Variants in MEI4 observed in about 807,000 individuals in gnomAD.
MEI4 encodes the protein meiosis-specific protein MEI4.
Under a neutral mutation model 31.4 loss-of-function variants are expected in MEI4, and 27 were observed. The observed-to-expected ratio is 0.86, with a 90% CI of 0.63 to 1.19. The LOEUF (loss-of-function observed/expected upper bound fraction) is 1.19, where lower values mean the gene tolerates loss of function less well. Ranked by LOEUF, MEI4 falls within the 50% of genes most tolerant of loss-of-function variation. The pLI is 0.00. For missense variants in MEI4, 329 were observed against 398.9 expected, an observed-to-expected ratio of 0.82 and a Z score of 1.49; for synonymous variants, 122 against 145.4, an observed-to-expected ratio of 0.84 and a Z score of 1.16.
At chr6:77,660,766 T>G (rs1363850117) in intron 1 of MEI4, among the ~76,000 whole-genome samples, 1 of 152,174 alleles carries the variant, frequency 6.6e-6, no homozygotes, top group African/African-American at 2.4e-5. Context: ...GGCTGTCCGA[T>G]GGACACAGCT....
At chr6:77,753,314 C>T (rs1767828739) in intron 2 of MEI4, among the ~76,000 whole-genome samples, 1 of 151,914 alleles carries the variant, frequency 6.6e-6, no homozygotes, top group South Asian at 2.1e-4. Context: ...AGTGAACAGC[C>T]AACCTACAGA....
chr6:77,859,342 C>G (rs958643792), intron 4 of MEI4, among the ~76,000 whole-genome samples: 1 of 152,014 alleles, frequency 6.6e-6, no homozygotes, highest in African/African-American at 2.4e-5. Context: ...GTGCATGTGT[C>G]TTTAGAGTAG....
At chr6:77,666,379 C>G (rs1768632745) in intron 1 of MEI4, among the ~76,000 whole-genome samples, 1 of 152,152 alleles carries the variant, frequency 6.6e-6, no homozygotes, top group South Asian at 2.1e-4. Context: ...TTTAGGCCAT[C>G]TGGATGTATA....
chr6:77,709,362 G>C (rs906401411), intron 2 of MEI4, among the ~76,000 whole-genome samples: 12 of 152,120 alleles, frequency 7.9e-5, no homozygotes, highest in African/African-American at 2.9e-4. Context: ...ATGAGATCTT[G>C]TACCCAGTGT....
chr6:77,651,158 T>C (rs1378362262), upstream of MEI4, among the ~76,000 whole-genome samples: 2 of 152,082 alleles, frequency 1.3e-5, no homozygotes, highest in Admixed American at 6.5e-5. Flanking sequence ...AGAAGCTTCA[T>C]GGAGGAGGTG....
chr6:77,873,864 C>A (rs1205555320), intron 4 of MEI4, among the ~76,000 whole-genome samples: 1 of 152,186 alleles, frequency 6.6e-6, no homozygotes, highest in South Asian at 2.1e-4. Flanking sequence ...AATAGGGAAT[C>A]CCTTCCCCAT....
At chr6:77,651,695 A>G (rs1346456380), upstream of MEI4, among the ~76,000 whole-genome samples, 1 of 152,214 alleles carries the variant, frequency 6.6e-6, no homozygotes, top group African/African-American at 2.4e-5. Context: ...AGTCCTTCAG[A>G]AGAGTTTCAG....
At chr6:77,886,479 G>T in intron 4 of MEI4, among the ~76,000 whole-genome samples, 1 of 151,434 alleles carries the variant, frequency 6.6e-6, no homozygotes, top group Non-Finnish European at 1.5e-5. Context: ...TGCCCAAGCT[G>T]GAGTGCAGTG....
At chr6:77,679,090 G>T (rs1023162926) in intron 1 of MEI4, among the ~76,000 whole-genome samples, 2 of 152,112 alleles carry the variant, frequency 1.3e-5, no homozygotes, top group Admixed American at 6.5e-5. Flanking sequence ...AAAAAAATCT[G>T]AAATGTTTAT....
chr6:77,858,369 A>G (rs1452112629), intron 4 of MEI4, among the ~76,000 whole-genome samples: 1 of 152,166 alleles, frequency 6.6e-6, no homozygotes, highest in Non-Finnish European at 1.5e-5. Flanking sequence ...TTTTAAATAA[A>G]TAATAATATT....
At chr6:77,769,242 G>A (rs1768248638) in intron 3 of MEI4, among the ~76,000 whole-genome samples, 1 of 152,158 alleles carries the variant, frequency 6.6e-6, no homozygotes, top group Non-Finnish European at 1.5e-5. Flanking sequence ...GCAGCTTAGT[G>A]CTGTCCTGTC....
intron 1 of MEI4, among the ~76,000 whole-genome samples, chr6:77,680,569 G>C (rs1768938890): frequency 6.6e-6 from 1 of 152,134 alleles, no homozygotes; most frequent in Non-Finnish European, 1.5e-5. Context: ...ATAAGTTAAG[G>C]AATGAGCTTA....
intron 4 of MEI4, among the ~76,000 whole-genome samples, chr6:77,835,217 G>A (rs1017354072): frequency 1.3e-5 from 2 of 150,358 alleles, no homozygotes; most frequent in East Asian, 1.9e-4. Flanking sequence ...AGAAAAGGCC[G>A]GGCGCGGTGG....
chr6:77,843,045 C>T (rs1189659894), intron 4 of MEI4, among the ~76,000 whole-genome samples: 3 of 149,294 alleles, frequency 2.0e-5, no homozygotes, highest in Admixed American at 6.7e-5. Flanking sequence ...AATTGGAAGA[C>T]AGAGCACTTG....
At chr6:77,654,436 C>G (rs1414314373) in intron 1 of MEI4, among the ~76,000 whole-genome samples, 2 of 151,534 alleles carry the variant, frequency 1.3e-5, no homozygotes, top group Non-Finnish European at 2.9e-5. Context: ...CTGACATGCA[C>G]TGTATGGTAC....
intron 2 of MEI4, among the ~76,000 whole-genome samples, chr6:77,736,662 C>G (rs1767244377): frequency 6.6e-6 from 1 of 151,994 alleles, no homozygotes; most frequent in South Asian, 2.1e-4. Context: ...CTCCTACCCC[C>G]TTAATTCAGT....
chr6:77,772,810 T>C (rs545893663), intron 3 of MEI4, among the ~76,000 whole-genome samples: 1 of 152,096 alleles, frequency 6.6e-6, no homozygotes, highest in East Asian at 1.9e-4. Flanking sequence ...ATCCAAAGAC[T>C]CCACAAGAAA....
intron 3 of MEI4, among the ~76,000 whole-genome samples, chr6:77,816,912 G>T (rs572452771): frequency 6.6e-6 from 1 of 152,002 alleles, no homozygotes; most frequent in East Asian, 1.9e-4. Flanking sequence ...AGGGCTTTGC[G>T]CAATGTTGTA....
chr6:77,837,809 T>A (rs1391830865), intron 4 of MEI4, among the ~76,000 whole-genome samples: 1 of 152,196 alleles, frequency 6.6e-6, no homozygotes, highest in Non-Finnish European at 1.5e-5. Context: ...TTTAAGGAAC[T>A]GTTAATTTTT....
Sources: gnomAD v4.1 joint callset for allele counts (sites outside exome capture counted in the v4.1 genomes callset) on GRCh38, gnomAD v4.1.1 for gene constraint, MANE v1.5 for transcripts, NCBI Gene and HGNC (gene_info 2026-07-23, HGNC 2026-07-21) for gene names.